The following OSBPL10 variants were observed in gnomAD, a reference collection of about 807,000 sequenced individuals.
OSBPL10 encodes oxysterol-binding protein-related protein 10.
In OSBPL10, 49 loss-of-function variants were observed where a neutral mutation model predicts 81.7. The observed-to-expected ratio is 0.60, with a 90% confidence interval of 0.48 to 0.76. The LOEUF (loss-of-function observed/expected upper bound fraction) is 0.76, where lower values mean the gene tolerates loss of function less well. Ranked by LOEUF, OSBPL10 falls within the 30% of genes least tolerant of loss-of-function variation. The probability of loss-of-function intolerance (pLI) is 0.00; values close to 1 mark genes in which losing one functional copy is unlikely to be tolerated. For synonymous variants in OSBPL10, 419 were observed against 383.6 expected (o/e 1.09, Z -1.08); for missense variants, 923 against 987.8 (o/e 0.93, Z 0.88).
At chr3:31,768,469 C>T (rs551926256) in intron 4 of OSBPL10, among the ~76,000 whole-genome samples, 2 of 152,270 alleles carry the variant, frequency 1.3e-5, no homozygotes, top group East Asian at 1.9e-4. Flanking sequence ...TAATTCACCA[C>T]CTTTAAACGA....
chr3:31,691,749 A>G (rs1328029916), intron 7 of OSBPL10, among the ~76,000 whole-genome samples: 2 of 152,002 alleles, frequency 1.3e-5, no homozygotes, highest in Non-Finnish European at 2.9e-5. Flanking sequence ...AAAAAGAAAC[A>G]TGACTTCATA....
intron 2 of OSBPL10, among the ~76,000 whole-genome samples, chr3:32,029,025 CTGT>C (rs1699443269): frequency 1.3e-5 from 2 of 150,026 alleles, no homozygotes; most frequent in Admixed American, 1.3e-4. Flanking sequence ...GATGGTCAGG[CTGT>C]TGTTAACTGC....
chr3:31,875,555 T>TAAA (rs60853105), intron 3 of OSBPL10, among the ~76,000 whole-genome samples: 23 of 143,656 alleles, frequency 1.6e-4, no homozygotes, highest in East Asian at 6.1e-4. Context: ...GATGTTTCTT[T>TAAA]AAAAAAAAAA....
At chr3:31,700,632 T>C (rs562220068) in intron 7 of OSBPL10, among the ~76,000 whole-genome samples, 2 of 152,358 alleles carry the variant, frequency 1.3e-5, no homozygotes, top group South Asian at 4.1e-4. Flanking sequence ...CTCCACTAAA[T>C]TGGTTTCACA....
chr3:31,662,361 G>C (rs1700090955), intron 11 of OSBPL10: 5 of 1,261,972 alleles, frequency 4.0e-6, no homozygotes, highest in African/African-American at 3.1e-5. Flanking sequence ...AGGGGAGCTT[G>C]GTTGGCTTCC....
chr3:31,702,554 GT>G (rs1277340059), intron 6 of OSBPL10, 46 bp from the exon 7 acceptor site: 1 of 1,609,660 alleles, frequency 6.2e-7, no homozygotes, highest in Admixed American at 1.7e-5. Context: ...CCCAATAGAA[GT>G]TAGAAATAAA....
intron 4 of OSBPL10, among the ~76,000 whole-genome samples, chr3:31,783,146 T>TATATACACACAC (rs1485968747): frequency 2.7e-5 from 3 of 113,026 alleles, no homozygotes; most frequent in African/African-American, 3.8e-5. Context: ...TATATATATA[T>TATATACACACAC]ACACACACAC....
intron 1 of OSBPL10, among the ~76,000 whole-genome samples, chr3:32,059,074 G>A (rs1262242384): frequency 6.6e-6 from 1 of 152,150 alleles, no homozygotes; most frequent in Non-Finnish European, 1.5e-5. Flanking sequence ...TGAGGCAGGT[G>A]GATCACGAGG....
chr3:31,700,292 A>G lies in OSBPL10; in HGVS notation c.1245+2067T>C, dbSNP rs140087829. 290 of 152,348 alleles carry G rather than the reference A, an allele frequency of 1.9e-3. 2 individuals are homozygous for G. Among genetic ancestry groups the G allele is most frequent in the African/African-American group, 6.6e-3 (273 of 41,580 alleles). The allele number at this position is 152,348 out of a possible 1,614,324, so 9.4% of individuals were successfully genotyped here. A position where few individuals can be genotyped will look rare whatever the true frequency, so the allele number is the denominator to read the frequency against. On this transcript the variant is annotated intron_variant, in intron 7 of 11. Coordinates refer to ENST00000396556, the MANE Select transcript of OSBPL10 (RefSeq NM_017784.5). ...ATATTCTAATAAAACAATAATAAAT[A>G]TGAAATGCACAGTTGTGATATTTCT... is the stretch of plus-strand genomic sequence containing the variant.
At chr3:31,855,000 C>T (rs967635630) in intron 3 of OSBPL10, among the ~76,000 whole-genome samples, 1 of 151,602 alleles carries the variant, frequency 6.6e-6, no homozygotes, top group African/African-American at 2.4e-5. Context: ...ATTTGGTTGT[C>T]ATGGTTTTGT....
upstream of OSBPL10, chr3:31,986,129 A>G (rs1334854894): frequency 2.0e-5 from 3 of 152,226 alleles, no homozygotes; most frequent in Non-Finnish European, 4.4e-5. Flanking sequence ...TGCATTTAGG[A>G]ATTGATCCTC....
At chr3:31,863,079 A>G (rs1701097256) in intron 3 of OSBPL10, among the ~76,000 whole-genome samples, 2 of 152,272 alleles carry the variant, frequency 1.3e-5, no homozygotes, top group South Asian at 4.1e-4. Context: ...GATATTAGTC[A>G]TAAAAAAGGA....
intron 1 of OSBPL10, among the ~76,000 whole-genome samples, chr3:32,052,478 C>T (rs941206344): frequency 6.6e-6 from 1 of 152,098 alleles, no homozygotes; most frequent in Admixed American, 6.5e-5. Flanking sequence ...GATTATAAAT[C>T]ATTCTACTAT....
chr3:31,861,551 T>C (rs1331539381), intron 3 of OSBPL10, among the ~76,000 whole-genome samples: 1 of 152,214 alleles, frequency 6.6e-6, no homozygotes. Flanking sequence ...TGATTGTCTA[T>C]AGAACTAGAA....
chr3:32,014,765 C>A (rs1694001666), intron 2 of OSBPL10, among the ~76,000 whole-genome samples: 1 of 152,142 alleles, frequency 6.6e-6, no homozygotes, highest in South Asian at 2.1e-4. Flanking sequence ...ATACAAAATC[C>A]ATGTGTAAAA....
At chr3:31,887,557 CAAAATATGCTCAACCTAGAGGGTAGAAAG>C (rs1358310763) in intron 1 of OSBPL10, among the ~76,000 whole-genome samples, 2 of 152,126 alleles carry the variant, frequency 1.3e-5, no homozygotes, top group Non-Finnish European at 2.9e-5. Context: ...TATATAACCC[CAAAATATGCTCAACCTAGAGGGTAGAAAG>C]AAAAGAAACT....
intron 3 of OSBPL10, among the ~76,000 whole-genome samples, chr3:31,842,114 G>A (rs1446497966): frequency 6.6e-6 from 1 of 152,222 alleles, no homozygotes; most frequent in Non-Finnish European, 1.5e-5. Flanking sequence ...GCCTACGCTT[G>A]ATGAATGGGC....
intron 1 of OSBPL10, among the ~76,000 whole-genome samples, chr3:31,951,287 C>A (rs1697862823): frequency 1.3e-5 from 2 of 151,982 alleles, no homozygotes; most frequent in South Asian, 2.1e-4. Context: ...AAAAGACTTG[C>A]AGAAAACTAT....
chr3:31,785,375 CGT>C (rs1013195226), intron 4 of OSBPL10, among the ~76,000 whole-genome samples: 103 of 152,128 alleles, frequency 6.8e-4, no homozygotes, highest in African/African-American at 2.2e-3. Context: ...ACATGGTAGG[CGT>C]GTTTGATTGG....
Sources: gnomAD v4.1 joint callset for allele counts (sites outside exome capture counted in the v4.1 genomes callset) on GRCh38, gnomAD v4.1.1 for gene constraint, MANE v1.5 for transcripts, NCBI Gene and HGNC (gene_info 2026-07-23, HGNC 2026-07-21) for gene names.